TTBK2: variants seen among roughly 807,000 people sequenced by gnomAD.
The protein encoded by TTBK2 is tau-tubulin kinase 2.
Under a neutral mutation model 110.8 loss-of-function variants are expected in TTBK2, and 28 were observed. The observed-to-expected ratio is 0.25, with a 90% CI of 0.19 to 0.35. The LOEUF is 0.35. Among genes scored for constraint, TTBK2 ranks in the 10% least tolerant of loss-of-function variants. The probability of loss-of-function intolerance (pLI) is 1.00; values close to 1 mark genes in which losing one functional copy is unlikely to be tolerated. For missense variants in TTBK2, 1,369 were observed against 1,500.3 expected (o/e 0.91, Z 1.45); for synonymous variants, 532 against 527.3 (o/e 1.01, Z -0.12).
intron 1 of TTBK2, among the ~76,000 whole-genome samples, chr15:42,901,425 TA>T: frequency 6.6e-6 from 1 of 151,036 alleles, no homozygotes; most frequent in East Asian, 1.9e-4. Flanking sequence ...GATTTGACAA[TA>T]ATTTCTTGGA....
At chr15:42,801,361 T>A in intron 9 of TTBK2, 1 of 1,494,178 alleles carries the variant, frequency 6.7e-7, no homozygotes, top group East Asian at 2.2e-5. Flanking sequence ...TCAGACAGCT[T>A]GGCATTGGCA....
At chr15:42,802,295 A>C (rs778130276) in intron 9 of TTBK2, 3 of 787,194 alleles carry the variant, frequency 3.8e-6, no homozygotes, top group Non-Finnish European at 6.9e-6. Context: ...ATTCGGGAGA[A>C]GCTCGAGGAG....
At position 42,828,172 on chromosome 15, in the gene TTBK2, GT is replaced by G. The variant is rs1365239513; in HGVS notation, c.433-141del. 15 of 673,884 alleles carry G rather than the reference GT, an allele frequency of 2.2e-5. No homozygotes were observed. The Admixed American group carries it at 4.0e-4, about 18-fold the overall frequency. The allele number at this position is 673,884 out of a possible 1,614,324, so 41.7% of individuals were successfully genotyped here. On this transcript the variant is annotated intron_variant, in intron 5 of 14. Transcript: ENST00000267890. ...CAAATATACTATTCTAGTAAATGAT[GT>G]TTAGTGGTATTAAAATATGATTTAG...
chr15:42,805,386 A>G (rs1191144548), intron 9 of TTBK2, among the ~76,000 whole-genome samples: 1 of 152,190 alleles, frequency 6.6e-6, no homozygotes, highest in Non-Finnish European at 1.5e-5. Flanking sequence ...AAGGAATTGA[A>G]GGAATCAGAG....
At chr15:42,767,958 A>G (rs1467218804) in intron 13 of TTBK2, among the ~76,000 whole-genome samples, 1 of 152,260 alleles carries the variant, frequency 6.6e-6, no homozygotes, top group East Asian at 1.9e-4. Flanking sequence ...CTGGTTCAAA[A>G]TATGCAAATT....
intron 13 of TTBK2, among the ~76,000 whole-genome samples, chr15:42,766,333 TAA>T (rs1194429326): frequency 3.4e-5 from 5 of 147,514 alleles, no homozygotes; most frequent in South Asian, 2.1e-4. Flanking sequence ...GCAAACTGGA[TAA>T]AGAGTCAAGA....
chr15:42,878,516 C>CAT, intron 2 of TTBK2, 33 bp downstream of exon 2: 1 of 1,610,060 alleles, frequency 6.2e-7, no homozygotes. Context: ...CACACACACA[C>CAT]ACACACACAC....
At chr15:42,782,075 G>A (rs113127140) in intron 11 of TTBK2, among the ~76,000 whole-genome samples, 1 of 151,880 alleles carries the variant, frequency 6.6e-6, no homozygotes, top group Non-Finnish European at 1.5e-5. Flanking sequence ...ATGTATATAT[G>A]TATATATATT....
chr15:42,848,136 A>C (rs1893545025), intron 3 of TTBK2, among the ~76,000 whole-genome samples: 1 of 152,226 alleles, frequency 6.6e-6, no homozygotes, highest in South Asian at 2.1e-4. Context: ...GGAATGGCTC[A>C]AACTAATAAC....
chr15:42,900,552 T>C (rs908529663), intron 1 of TTBK2, among the ~76,000 whole-genome samples: 1 of 151,552 alleles, frequency 6.6e-6, no homozygotes, highest in African/African-American at 2.4e-5. Context: ...CAAAACCCCG[T>C]CTCTACTAAA....
At chr15:42,786,360 C>T (rs1486331509) in intron 10 of TTBK2, among the ~76,000 whole-genome samples, 1 of 152,164 alleles carries the variant, frequency 6.6e-6, no homozygotes, top group African/African-American at 2.4e-5. Flanking sequence ...TGGACACTAA[C>T]ATACATGTAC....
At chr15:42,890,011 G>C (rs920244137) in intron 1 of TTBK2, among the ~76,000 whole-genome samples, 1 of 152,170 alleles carries the variant, frequency 6.6e-6, no homozygotes, top group Admixed American at 6.5e-5. Context: ...TGACCTGCAC[G>C]TATATATCCA....
chr15:42,758,605 A>G (rs1209582989), intron 13 of TTBK2, among the ~76,000 whole-genome samples: 5 of 148,034 alleles, frequency 3.4e-5, no homozygotes, highest in African/African-American at 7.6e-5. Flanking sequence ...TGGCGAGCCG[A>G]GATCGCACCA....
At chr15:42,818,355 G>T (rs939771766) in intron 6 of TTBK2, among the ~76,000 whole-genome samples, 1 of 152,324 alleles carries the variant, frequency 6.6e-6, no homozygotes, top group African/African-American at 2.4e-5. Context: ...GCTCTGAGAA[G>T]TATATAACTT....
At chr15:42,862,689 G>T (rs542384563) in intron 3 of TTBK2, among the ~76,000 whole-genome samples, 1 of 152,252 alleles carries the variant, frequency 6.6e-6, no homozygotes, top group South Asian at 2.1e-4. Flanking sequence ...GGGAGTTCCA[G>T]ATCAGCCTGA....
At chr15:42,900,999 T>G (rs908811177) in intron 1 of TTBK2, among the ~76,000 whole-genome samples, 1 of 152,054 alleles carries the variant, frequency 6.6e-6, no homozygotes, top group Admixed American at 6.6e-5. Context: ...GACTCCTACC[T>G]CATACCATAT....
intron 4 of TTBK2, among the ~76,000 whole-genome samples, chr15:42,839,387 G>A (rs1893128719): frequency 6.6e-6 from 1 of 152,120 alleles, no homozygotes; most frequent in African/African-American, 2.4e-5. Context: ...GTTTGCTATT[G>A]TGAATAGTGC....
In TTBK2 at chr15:42,754,933, G is replaced by A. The variant is rs568819391; in HGVS notation, c.1999-1686C>T. Among the ~76,000 whole-genome samples the A allele has an allele frequency of 2.5e-4, 37 of 146,306 alleles. 1 individual carries two copies. In the South Asian group the frequency reaches 3.2e-3, roughly 13 times the overall value. On this transcript the variant is annotated intron_variant, in intron 13 of 14. Transcript: ENST00000267890. ...TGAGGCAGGAGAATCGCTTGAACCC[G>A]AGAGGCAGAGGTTGTGGTGAGCCGA...
At chr15:42,846,476 C>T (rs547984382) in intron 3 of TTBK2, among the ~76,000 whole-genome samples, 5 of 152,138 alleles carry the variant, frequency 3.3e-5, no homozygotes, top group Non-Finnish European at 7.3e-5. Context: ...GCCACCATGC[C>T]CAGCCTTTTT....
Sources: gnomAD v4.1 joint callset for allele counts (sites outside exome capture counted in the v4.1 genomes callset) on GRCh38, gnomAD v4.1.1 for gene constraint, MANE v1.5 for transcripts, NCBI Gene and HGNC (gene_info 2026-07-23, HGNC 2026-07-21) for gene names.